HMGB1: variants seen among roughly 807,000 people sequenced by gnomAD.
HMGB1 encodes high mobility group box 1, also known as high mobility group protein B1.
For missense variants in HMGB1, 79 were observed against 253.5 expected (o/e 0.31, Z 4.67); for synonymous variants, 81 against 84.0 (o/e 0.96, Z 0.19).
At chr13:30,589,285 G>A (rs995959787) in intron 1 of HMGB1, among the ~76,000 whole-genome samples, 1 of 152,124 alleles carries the variant, frequency 6.6e-6, no homozygotes, top group Non-Finnish European at 1.5e-5. Flanking sequence ...GATTACAGGC[G>A]TGAACCACCG....
upstream of HMGB1, among the ~76,000 whole-genome samples, chr13:30,468,886 TTTG>T (rs1036446347): frequency 2.0e-5 from 3 of 152,116 alleles, no homozygotes; most frequent in East Asian, 3.9e-4. Flanking sequence ...TTATTGGGTT[TTTG>T]TTGTTGTTGT....
chr13:30,510,612 G>A (rs897830490), intron 1 of HMGB1, among the ~76,000 whole-genome samples: 1 of 151,912 alleles, frequency 6.6e-6, no homozygotes, highest in African/African-American at 2.4e-5. Context: ...CAGTTTGTAT[G>A]AAAATACCAC....
chr13:30,539,387 G>A (rs911807300), intron 1 of HMGB1, among the ~76,000 whole-genome samples: 2 of 152,226 alleles, frequency 1.3e-5, no homozygotes, highest in Non-Finnish European at 2.9e-5. Flanking sequence ...AACCAGATGT[G>A]GCCTCGGCAG....
intron 1 of HMGB1, among the ~76,000 whole-genome samples, chr13:30,465,398 C>A (rs1250420931): frequency 2.1e-5 from 3 of 142,776 alleles, no homozygotes; most frequent in African/African-American, 7.5e-5. Context: ...GCCGCCGCCG[C>A]CGAGCCGCGC....
intron 1 of HMGB1, 27 bp downstream of exon 1, chr13:30,465,769 C>T (rs1027380637): frequency 1.1e-4 from 112 of 984,796 alleles, no homozygotes; most frequent in Non-Finnish European, 1.3e-4. Flanking sequence ...AGGCGCTCTC[C>T]CCGCCGCGGC....
intron 1 of HMGB1, among the ~76,000 whole-genome samples, chr13:30,538,663 C>T (rs9506335): frequency 0.016 from 1,261 of 80,026 alleles, 64 homozygotes; most frequent in African/African-American, 0.045. Flanking sequence ...TTCTTTCTTT[C>T]CTTTCTTTCT....
intron 1 of HMGB1, among the ~76,000 whole-genome samples, chr13:30,524,504 A>T (rs1369746778): frequency 6.6e-6 from 1 of 151,774 alleles, no homozygotes; most frequent in East Asian, 1.9e-4. Flanking sequence ...GCGGCAGGAG[A>T]GGGAATGAAT....
chr13:30,484,607 C>T lies in HMGB1; in HGVS notation c.-14-20913G>A, dbSNP rs144095238. ...AAAATGGGCCAGGCGCAGTGGTTCACGCCTGTAATCCCAGCACTTTGGGAG... is the reference window on the plus strand; with the variant it reads ...AAAATGGGCCAGGCGCAGTGGTTCATGCCTGTAATCCCAGCACTTTGGGAG... On this transcript the variant is annotated intron_variant, in intron 1 of 4. Transcript: ENST00000405805. Among the ~76,000 whole-genome samples, 757 of 152,220 alleles carry T rather than the reference C, an allele frequency of 5.0e-3. 8 individuals carry two copies. The highest frequency in any genetic ancestry group is 0.017 in the African/African-American group (726 of 41,512).
At chr13:30,490,883 G>T (rs1181207568) in intron 1 of HMGB1, among the ~76,000 whole-genome samples, 1 of 151,978 alleles carries the variant, frequency 6.6e-6, no homozygotes, top group Non-Finnish European at 1.5e-5. Flanking sequence ...TACACTGCTG[G>T]TATTCAGCAA....
intron 1 of HMGB1, among the ~76,000 whole-genome samples, chr13:30,490,155 T>C (rs1222160323): frequency 2.0e-5 from 3 of 152,152 alleles, no homozygotes; most frequent in Non-Finnish European, 4.4e-5. Flanking sequence ...TAAATTTTTT[T>C]CACAGAAATA....
At chr13:30,537,943 C>T (rs1364380872) in intron 1 of HMGB1, among the ~76,000 whole-genome samples, 2 of 151,936 alleles carry the variant, frequency 1.3e-5, no homozygotes. Flanking sequence ...TTTTTTAACA[C>T]AACATCAAGT....
At chr13:30,549,238 G>A (rs143480493) in intron 1 of HMGB1, among the ~76,000 whole-genome samples, 68 of 152,206 alleles carry the variant, frequency 4.5e-4, no homozygotes, top group East Asian at 3.5e-3. Context: ...AGCCGTAATT[G>A]AGCCACTGAA....
At chr13:30,567,020 GCT>G (rs1870213894) in intron 1 of HMGB1, among the ~76,000 whole-genome samples, 1 of 152,208 alleles carries the variant, frequency 6.6e-6, no homozygotes, top group Non-Finnish European at 1.5e-5. Context: ...TGGGGAGCTT[GCT>G]ATGCAAGTTG....
At chr13:30,532,790 C>G (rs1247773056) in intron 1 of HMGB1, among the ~76,000 whole-genome samples, 2 of 152,164 alleles carry the variant, frequency 1.3e-5, no homozygotes, top group African/African-American at 4.8e-5. Flanking sequence ...AGCCACCATG[C>G]CTGCCCCTTA....
chr13:30,594,779 A>C (rs2137557065), intron 1 of HMGB1, among the ~76,000 whole-genome samples: 1 of 152,258 alleles, frequency 6.6e-6, no homozygotes, highest in Non-Finnish European at 1.5e-5. Flanking sequence ...AAGTATTTCT[A>C]TTTTTAGTTG....
chr13:30,509,564 C>G (rs1430836925), intron 1 of HMGB1, among the ~76,000 whole-genome samples: 1 of 152,020 alleles, frequency 6.6e-6, no homozygotes, highest in Non-Finnish European at 1.5e-5. Flanking sequence ...AATTTCTATT[C>G]CAAAGCCCAG....
chr13:30,579,223 C>T (rs1870793991), intron 1 of HMGB1, among the ~76,000 whole-genome samples: 1 of 152,112 alleles, frequency 6.6e-6, no homozygotes, highest in Non-Finnish European at 1.5e-5. Context: ...TACTGTCATA[C>T]TAAAAATATA....
chr13:30,465,006 C>A, intron 1 of HMGB1: 1 of 192,686 alleles, frequency 5.2e-6, no homozygotes, highest in South Asian at 1.8e-4. Context: ...CCGCGCGGGC[C>A]GCGCGCCCCG....
At chr13:30,572,557 C>T (rs571491928) in intron 1 of HMGB1, among the ~76,000 whole-genome samples, 2 of 152,284 alleles carry the variant, frequency 1.3e-5, no homozygotes, top group African/African-American at 4.8e-5. Context: ...CTCACATCTG[C>T]CTTTTACTTC....
Sources: gnomAD v4.1 joint callset for allele counts (sites outside exome capture counted in the v4.1 genomes callset) on GRCh38, gnomAD v4.1.1 for gene constraint, MANE v1.5 for transcripts, NCBI Gene and HGNC (gene_info 2026-07-23, HGNC 2026-07-21) for gene names.